The following CCDC88C variants were observed in gnomAD, a reference collection of about 807,000 sequenced individuals.
CCDC88C encodes the protein protein Daple.
CCDC88C carries 131 observed loss-of-function variants against 198.8 expected under a neutral mutation model. The ratio of observed to expected loss-of-function variants is 0.66; its 90% CI spans 0.57 to 0.76. The LOEUF is 0.76. Ranked by LOEUF, CCDC88C falls within the 30% of genes least tolerant of loss-of-function variation. CCDC88C has a pLI of 0.00. For synonymous variants in CCDC88C, 1,166 were observed against 1,114.7 expected, an observed-to-expected ratio of 1.05 and a Z score of -0.92; for missense variants, 2,553 against 2,631.6, an observed-to-expected ratio of 0.97 and a Z score of 0.65.
At chr14:91,342,042 C>A in intron 6 of CCDC88C, 1 of 215,466 alleles carries the variant, frequency 4.6e-6, no homozygotes, top group Non-Finnish European at 9.3e-6. Flanking sequence ...AATACATTTT[C>A]AGGGCCTGTA....
At chr14:91,319,860 T>C (rs1355051956) in intron 13 of CCDC88C, among the ~76,000 whole-genome samples, 1 of 151,842 alleles carries the variant, frequency 6.6e-6, no homozygotes, top group Non-Finnish European at 1.5e-5. Flanking sequence ...ACCCCGTCTC[T>C]ACTAAAAATA....
chr14:91,399,955 TTA>T (rs1886076960), intron 3 of CCDC88C, among the ~76,000 whole-genome samples: 1 of 151,610 alleles, frequency 6.6e-6, no homozygotes, highest in South Asian at 2.1e-4. Flanking sequence ...TCAGGCTGCT[TTA>T]TGTCTCCAAA....
intron 3 of CCDC88C, among the ~76,000 whole-genome samples, chr14:91,378,336 G>C (rs1268736190): frequency 6.6e-6 from 1 of 152,192 alleles, no homozygotes; most frequent in Non-Finnish European, 1.5e-5. Flanking sequence ...CCCAGTGAAC[G>C]CCAGGCCATC....
intron 26 of CCDC88C, among the ~76,000 whole-genome samples, chr14:91,281,828 G>C (rs1311054180): frequency 6.6e-6 from 1 of 152,172 alleles, no homozygotes; most frequent in African/African-American, 2.4e-5. Context: ...GCTGAATATT[G>C]AGTATCCTGG....
At position 91,272,316 on chromosome 14, in the gene CCDC88C, G is replaced by GTAGA; in HGVS notation, c.*308_*309insTCTA. On this transcript the variant is annotated 3_prime_UTR_variant, in exon 30 of 30. Transcript: ENST00000389857. The stretch of plus-strand genomic sequence containing the variant: ...TTCTACTGGGACATACTGGAGTAGT[G>GTAGA]TCTGCTTTGGGGGAAGTCAGTTTGT... 89 of 392,478 alleles carry GTAGA rather than the reference G, an allele frequency of 2.3e-4. No individual in the cohort carries two copies. The highest frequency in any genetic ancestry group is 5.2e-4 in the South Asian group (18 of 34,552). 24.3% of individuals were successfully genotyped at this position (392,478 alleles called of 1,614,324 possible). A position where few individuals can be genotyped will look rare whatever the true frequency, so the allele number is the denominator to read the frequency against.
At chr14:91,297,168 CCT>C (rs1891043074) in intron 22 of CCDC88C, 135 bp downstream of exon 22, 3 of 895,440 alleles carry the variant, frequency 3.4e-6, no homozygotes, top group East Asian at 2.7e-5. Context: ...TTCACCGCAG[CCT>C]CTGTGCCACC....
Position 91,279,218 on chromosome 14 carries a change from C to T in CCDC88C, c.4768+20G>A. 1 of 1,572,180 alleles carries T rather than the reference C, an allele frequency of 6.4e-7. No homozygotes were observed. Among genetic ancestry groups the T allele is most frequent in the Non-Finnish European group, 8.7e-7 (1 of 1,155,852 alleles). On this transcript the variant is annotated intron_variant, in intron 28 of 29. Transcript: ENST00000389857. The stretch of plus-strand genomic sequence containing the variant: ...TGGCCCAAATCAATTTTTAAAAGTA[C>T]ACAGAAGCACAAGACTTACCTTTTA...
At chr14:91,281,305 C>G in intron 27 of CCDC88C, 152 bp downstream of exon 27, 1 of 1,522,032 alleles carries the variant, frequency 6.6e-7, no homozygotes, top group South Asian at 1.2e-5. Context: ...ACACGCTCAG[C>G]CCCCTGGGGA....
Position 91,278,070 on chromosome 14 carries a change from C to T in CCDC88C, c.4910G>A (p.Arg1637Gln), listed in dbSNP as rs768339377. 20 of 1,611,876 alleles carry T rather than the reference C, an allele frequency of 1.2e-5. No individual in the cohort carries two copies. The Admixed American group carries it at 1.7e-4, about 13-fold the overall frequency. Residue 1637 changes from arginine to glutamine, a missense_variant, in exon 29 of 30, where the codon CGG becomes CAG. This residue lies in a region of CCDC88C where 1,293 missense variants were observed against 1,219.6 expected (regional missense o/e 1.06). Transcript: ENST00000389857. ...ACCCTCCTGTGGGAGAGGCCCGTTC[C>T]GAGGCAAGGGGTACTCGTGGCGGCC... The part of the protein sequence containing the change: ...ALGRHEYPLP[R>Q]NGPLPQEGAQ...
Position 91,294,189 on chromosome 14 carries a change from C to T in CCDC88C, c.4096G>A (p.Glu1366Lys). ...NMENKEQYHE[E>K]QKQYIDKLNA... is the part of the protein sequence containing the mutation. ...CCTGCTTACATGTACTGCTTCTGCT[C>T]CTCATGGTACTGCTCCTTGTTCTCC... Residue 1366 changes from glutamate (E) to lysine (K), a missense_variant, in exon 23 of 30, where the codon GAG (glutamate) becomes AAG (lysine). Physicochemically the swap from Glu to Lys is moderately conservative, Grantham distance 56. Around this residue, in one of 2 missense-constraint regions of CCDC88C, gnomAD observed 1,293 missense variants for 1,219.6 expected, o/e 1.06. Transcript: ENST00000389857. 3 of 1,614,020 alleles carry T rather than the reference C, an allele frequency of 1.9e-6. No homozygotes were observed. Among genetic ancestry groups the T allele is most frequent in the African/African-American group, 1.3e-5 (1 of 75,058 alleles).
rs576192691 is a variant in CCDC88C at position 91,353,629 on chromosome 14, G to A, written c.340+6013C>T. ...GTCGGGCCTTCTGGCTTCCTCAGCC[G>A]GTGCAGTAGATAGAGTTCTGCACTC... On this transcript the variant is annotated intron_variant, in intron 4 of 29. Transcript: ENST00000389857. Among the ~76,000 whole-genome samples the A allele has an allele frequency of 5.3e-5, 8 of 152,290 alleles. No homozygotes were observed. In the East Asian group the frequency reaches 7.7e-4, roughly 15 times the overall value.
intron 19 of CCDC88C, 43 bp downstream of exon 19, chr14:91,305,722 T>A (rs1445019208): frequency 6.4e-7 from 1 of 1,567,216 alleles, no homozygotes; most frequent in Admixed American, 1.8e-5. Context: ...CAGATAAACA[T>A]CCCGCCAGGC....
chr14:91,314,639 G>A (rs1188664196), intron 14 of CCDC88C, among the ~76,000 whole-genome samples: 1 of 152,168 alleles, frequency 6.6e-6, no homozygotes, highest in East Asian at 1.9e-4. Context: ...ATGATTCTAA[G>A]GTAGCCGTGT....
intron 12 of CCDC88C, among the ~76,000 whole-genome samples, chr14:91,322,365 G>GACC (rs1427529368): frequency 4.6e-5 from 7 of 152,114 alleles, no homozygotes; most frequent in African/African-American, 1.7e-4. Flanking sequence ...TAACGACATG[G>GACC]ACCACCCAAC....
chr14:91,412,579 C>T (rs1371887404), intron 2 of CCDC88C, among the ~76,000 whole-genome samples: 1 of 152,078 alleles, frequency 6.6e-6, no homozygotes, highest in Non-Finnish European at 1.5e-5. Flanking sequence ...GGACTACAGG[C>T]GCCCGCCACC....
intron 21 of CCDC88C, among the ~76,000 whole-genome samples, chr14:91,299,337 C>T (rs1361588712): frequency 1.3e-5 from 2 of 152,186 alleles, no homozygotes; most frequent in Non-Finnish European, 2.9e-5. Context: ...ACAGCAAAGT[C>T]ACTTCCCGAA....
At chr14:91,410,929 G>A (rs1040725423) in intron 2 of CCDC88C, among the ~76,000 whole-genome samples, 5 of 152,178 alleles carry the variant, frequency 3.3e-5, no homozygotes, top group African/African-American at 1.2e-4. Flanking sequence ...CACGTGCAAA[G>A]GCATAGCATA....
intron 15 of CCDC88C, among the ~76,000 whole-genome samples, chr14:91,312,206 T>C (rs929251328): frequency 2.6e-5 from 4 of 152,108 alleles, no homozygotes; most frequent in East Asian, 1.9e-4. Context: ...CTGGCCAAGA[T>C]GGCGAAACCC....
chr14:91,313,527 G>A lies in CCDC88C; in HGVS notation c.2289C>T (p.Ser763=), dbSNP rs371690660. ...GCAGCCGGAGGTTCTCAGCGCTCAC[G>A]CTCTGGTAGCTGAGCTCCAGGCGCT... The part of the protein sequence containing the change: ...KSERLELSYQ[S]VSAENLRLQQ... The change falls in exon 15 of 30, where the codon AGC becomes AGT. Residue 763 remains serine (S), a synonymous_variant. Transcript: ENST00000389857. The surrounding 1 kb of genome is among the most constrained non-coding windows in gnomAD (Gnocchi z 5.2). 539 of 1,609,490 alleles carry A rather than the reference G, an allele frequency of 3.3e-4. No homozygotes were observed. The highest frequency in any genetic ancestry group is 3.8e-4 in the Non-Finnish European group (453 of 1,179,872).
Sources: gnomAD v4.1 joint callset for allele counts (sites outside exome capture counted in the v4.1 genomes callset) on GRCh38, gnomAD v4.1.1 for gene constraint, gnomAD v4.1.1 regional missense constraint, Gnocchi (gnomAD v3.1) non-coding constraint, MANE v1.5 for transcripts, NCBI Gene and HGNC (gene_info 2026-07-23, HGNC 2026-07-21) for gene names.